Variants in PRKD1 observed in about 807,000 individuals in gnomAD.
PRKD1 encodes serine/threonine-protein kinase D1.
A neutral mutation model predicts 95.9 loss-of-function variants in PRKD1; 63 were observed. That is an observed-to-expected ratio of 0.66 (90% confidence interval 0.54 to 0.81). The LOEUF (loss-of-function observed/expected upper bound fraction) is 0.81, where lower values mean the gene tolerates loss of function less well. Among genes scored for constraint, PRKD1 ranks in the 30% least tolerant of loss-of-function variants. The pLI is 0.00. For missense variants in PRKD1, 1,048 were observed against 1,165.3 expected (o/e 0.90, Z 1.47); for synonymous variants, 425 against 423.1 (o/e 1.00, Z -0.05).
In PRKD1 at chr14:29,927,621, C is replaced by G. The variant is rs1484161489; in HGVS notation, c.-109G>C. The G allele has an allele frequency of 2.2e-6, 2 of 905,698 alleles. No individual in the cohort carries two copies. The highest frequency in any genetic ancestry group is 1.3e-6 in the Non-Finnish European group (1 of 745,698). 56.1% of individuals were successfully genotyped at this position (905,698 alleles called of 1,614,324 possible). A position where few individuals can be genotyped will look rare whatever the true frequency, so the allele number is the denominator to read the frequency against. On this transcript the variant is annotated 5_prime_UTR_variant, in exon 1 of 18. Coordinates refer to ENST00000331968, the MANE Select transcript of PRKD1 (RefSeq NM_002742.3). ...GAGCTTCTTTCTCCGAGAGCCCAGA[C>G]GGAAAATAAAAACTTTCCGGAAAAG...
chr14:29,650,715 C>G (rs1007904575), intron 4 of PRKD1, among the ~76,000 whole-genome samples: 1 of 152,204 alleles, frequency 6.6e-6, no homozygotes, highest in African/African-American at 2.4e-5. Flanking sequence ...GAAGCAAGAA[C>G]TAAAGCAGTT....
At chr14:29,815,499 G>A (rs887627015) in intron 1 of PRKD1, among the ~76,000 whole-genome samples, 4 of 152,146 alleles carry the variant, frequency 2.6e-5, no homozygotes, top group Admixed American at 6.5e-5. Context: ...AACAAAATGT[G>A]GGAGAAATTT....
intron 1 of PRKD1, among the ~76,000 whole-genome samples, chr14:29,801,442 A>G (rs557575169): frequency 1.3e-5 from 2 of 152,350 alleles, no homozygotes; most frequent in African/African-American, 4.8e-5. Flanking sequence ...TCCAATGAAC[A>G]TGAATAAGCA....
At chr14:29,586,915 G>A (rs539764565) in intron 16 of PRKD1, among the ~76,000 whole-genome samples, 4 of 152,196 alleles carry the variant, frequency 2.6e-5, no homozygotes, top group South Asian at 2.1e-4. Context: ...GTGAGCCACC[G>A]TGCCCAGCCC....
chr14:29,708,627 T>G (rs367785839), intron 2 of PRKD1, among the ~76,000 whole-genome samples: 32 of 152,248 alleles, frequency 2.1e-4, no homozygotes, highest in South Asian at 2.1e-3. Context: ...TGGAAGCAGG[T>G]GGATCCTTTC....
chr14:29,924,874 A>G (rs1367880328), intron 1 of PRKD1, among the ~76,000 whole-genome samples: 1 of 152,136 alleles, frequency 6.6e-6, no homozygotes, highest in African/African-American at 2.4e-5. Flanking sequence ...CCTGTGATGG[A>G]CCTTCAGCTC....
intron 1 of PRKD1, among the ~76,000 whole-genome samples, chr14:29,820,644 C>T (rs12883327): frequency 0.36 from 55,059 of 151,964 alleles, 10,804 homozygotes; most frequent in Middle Eastern, 0.48. Context: ...AACACAGCAT[C>T]TCCTGGGAAT....
intron 1 of PRKD1, among the ~76,000 whole-genome samples, chr14:29,846,931 A>C (rs2139329217): frequency 6.6e-6 from 1 of 152,122 alleles, no homozygotes; most frequent in South Asian, 2.1e-4. Context: ...ATGCTGGAAA[A>C]CCCCACAGCT....
intron 1 of PRKD1, among the ~76,000 whole-genome samples, chr14:29,911,558 T>G (rs1894714198): frequency 6.6e-6 from 1 of 152,180 alleles, no homozygotes; most frequent in Non-Finnish European, 1.5e-5. Context: ...TATTTGAATT[T>G]GGATGAGCAT....
intron 2 of PRKD1, among the ~76,000 whole-genome samples, chr14:29,675,892 C>A (rs1438139140): frequency 6.7e-6 from 1 of 150,228 alleles, no homozygotes; most frequent in Non-Finnish European, 1.5e-5. Flanking sequence ...AAAACACAAA[C>A]ACCGCATGTT....
chr14:29,882,745 G>A (rs1482379617), intron 1 of PRKD1, among the ~76,000 whole-genome samples: 1 of 152,192 alleles, frequency 6.6e-6, no homozygotes, highest in Admixed American at 6.5e-5. Flanking sequence ...AAATCAGAGA[G>A]TATTTGTTTT....
intron 14 of PRKD1, among the ~76,000 whole-genome samples, chr14:29,599,361 A>G (rs1293540955): frequency 6.6e-6 from 1 of 152,218 alleles, no homozygotes; most frequent in Non-Finnish European, 1.5e-5. Context: ...TATATCTAAC[A>G]GGGACACCCA....
In PRKD1 at chr14:29,577,474, A is replaced by C. The variant is rs764434938; in HGVS notation, c.2521-18T>G. The C allele has an allele frequency of 6.3e-7, 1 of 1,598,172 alleles. No individual in the cohort carries two copies. Among genetic ancestry groups the C allele is most frequent in the South Asian group, 1.1e-5 (1 of 90,744 alleles). ...TGATAGTCCTGAAGAAGAAATTCCA[A>C]AATATTACCATAGAGATCATTACAA... On this transcript the variant is annotated intron_variant, in intron 17 of 17. Coordinates refer to ENST00000331968, the MANE Select transcript of PRKD1 (RefSeq NM_002742.3).
intron 11 of PRKD1, 128 bp downstream of exon 11, chr14:29,628,913 T>A (rs934658193): frequency 4.5e-5 from 25 of 549,888 alleles, no homozygotes; most frequent in African/African-American, 4.0e-4. Flanking sequence ...CACAAAAAAA[T>A]ATCCAAATTC....
chr14:29,915,485 T>C (rs1009550708), intron 1 of PRKD1, among the ~76,000 whole-genome samples: 2 of 152,168 alleles, frequency 1.3e-5, no homozygotes, highest in African/African-American at 2.4e-5. Context: ...GATATAAAAA[T>C]ATTTCTCAAA....
intron 1 of PRKD1, among the ~76,000 whole-genome samples, chr14:29,835,440 A>C (rs1295773824): frequency 6.6e-6 from 1 of 152,200 alleles, no homozygotes; most frequent in Non-Finnish European, 1.5e-5. Context: ...TATTATTTTA[A>C]ACCAACTTTG....
At chr14:29,790,598 C>T (rs1350208644) in intron 1 of PRKD1, among the ~76,000 whole-genome samples, 1 of 152,088 alleles carries the variant, frequency 6.6e-6, no homozygotes, top group Non-Finnish European at 1.5e-5. Context: ...AATCTCATTG[C>T]TCATATTTCT....
chr14:29,887,673 T>C (rs1893771595), intron 1 of PRKD1, among the ~76,000 whole-genome samples: 1 of 152,242 alleles, frequency 6.6e-6, no homozygotes, highest in South Asian at 2.1e-4. Flanking sequence ...ATGGTGGTCT[T>C]AGAATATTGT....
intron 1 of PRKD1, among the ~76,000 whole-genome samples, chr14:29,865,036 A>G (rs533612375): frequency 9.8e-5 from 15 of 152,314 alleles, no homozygotes; most frequent in African/African-American, 3.6e-4. Context: ...CACAAGTCAC[A>G]TGTGCCAACA....
Sources: gnomAD v4.1 joint callset for allele counts (sites outside exome capture counted in the v4.1 genomes callset) on GRCh38, gnomAD v4.1.1 for gene constraint, MANE v1.5 for transcripts, NCBI Gene and HGNC (gene_info 2026-07-23, HGNC 2026-07-21) for gene names.